Variants in TRAPPC9 observed in about 807,000 individuals in gnomAD.
The protein encoded by TRAPPC9 is IKK2 binding protein.
In TRAPPC9, 83 loss-of-function variants were observed where a neutral mutation model predicts 124.0. That is an observed-to-expected ratio of 0.67 (90% CI 0.56 to 0.80). TRAPPC9 has a LOEUF of 0.80. Ranked by LOEUF, TRAPPC9 falls within the 30% of genes least tolerant of loss-of-function variation. TRAPPC9 has a pLI of 0.00. For missense variants in TRAPPC9, 1,302 were observed against 1,508.3 expected (o/e 0.86, Z 2.27); for synonymous variants, 638 against 617.5 (o/e 1.03, Z -0.49).
Position 140,430,715 on chromosome 8 carries a change from T to C in TRAPPC9, c.860-4074A>G, listed in dbSNP as rs146010364. Among the ~76,000 whole-genome samples, 1,435 of 152,262 alleles carry C rather than the reference T, an allele frequency of 9.4e-3. 11 individuals carry two copies. Among genetic ancestry groups the C allele is most frequent in the Non-Finnish European group, 0.014 (970 of 68,000 alleles). Reference sequence around the variant, plus strand: ...GTGCAGTGGCAGAATCTCAGCTCACTGCAACCTCTGCCTCCTGGGCTCAAG... The same window carrying C: ...GTGCAGTGGCAGAATCTCAGCTCACCGCAACCTCTGCCTCCTGGGCTCAAG... On this transcript the variant is annotated intron_variant, in intron 4 of 22. Coordinates refer to ENST00000438773, the MANE Select transcript of TRAPPC9 (RefSeq NM_001160372.4).
intron 19 of TRAPPC9, among the ~76,000 whole-genome samples, chr8:139,914,330 C>A (rs1005596198): frequency 2.0e-5 from 3 of 152,220 alleles, no homozygotes; most frequent in African/African-American, 7.2e-5. Flanking sequence ...CACCCAGGTG[C>A]TGGAAGGTAA....
At chr8:139,736,141 G>A (rs544171892) in intron 21 of TRAPPC9, among the ~76,000 whole-genome samples, 6 of 152,220 alleles carry the variant, frequency 3.9e-5, no homozygotes, top group South Asian at 2.1e-4. Context: ...CAGCCAGAGC[G>A]AGCACTCCTG....
At chr8:140,256,202 G>A (rs1426546348) in intron 15 of TRAPPC9, among the ~76,000 whole-genome samples, 2 of 152,170 alleles carry the variant, frequency 1.3e-5, no homozygotes, top group African/African-American at 4.8e-5. Context: ...TTTGGCCCTT[G>A]GCTGCTCAGG....
At chr8:140,156,456 A>G (rs574197031) in intron 17 of TRAPPC9, among the ~76,000 whole-genome samples, 9 of 152,394 alleles carry the variant, frequency 5.9e-5, no homozygotes, top group Admixed American at 5.2e-4. Context: ...GGTTATTATC[A>G]CTGCAAGTAG....
intron 21 of TRAPPC9, among the ~76,000 whole-genome samples, chr8:139,795,339 T>C (rs1306278500): frequency 6.6e-6 from 1 of 152,158 alleles, no homozygotes; most frequent in Non-Finnish European, 1.5e-5. Context: ...TTGCAGTTAA[T>C]TCCCCATGGG....
chr8:139,973,831 C>A (rs556358191), intron 19 of TRAPPC9, among the ~76,000 whole-genome samples: 1 of 152,226 alleles, frequency 6.6e-6, no homozygotes, highest in East Asian at 1.9e-4. Flanking sequence ...CTCCACAGAC[C>A]CACTCCTGGA....
At chr8:140,075,335 T>C (rs1843442012) in intron 17 of TRAPPC9, among the ~76,000 whole-genome samples, 2 of 152,346 alleles carry the variant, frequency 1.3e-5, no homozygotes, top group Admixed American at 6.5e-5. Flanking sequence ...TCTTGACTAG[T>C]TGGGGCCAAC....
chr8:140,177,821 T>C (rs892428204), intron 17 of TRAPPC9, among the ~76,000 whole-genome samples: 1 of 152,134 alleles, frequency 6.6e-6, no homozygotes, highest in Admixed American at 6.5e-5. Context: ...CCTATAATTG[T>C]CTTGAGAAAA....
intron 21 of TRAPPC9, among the ~76,000 whole-genome samples, chr8:139,773,091 G>A (rs532536937): frequency 6.6e-6 from 1 of 152,362 alleles, no homozygotes; most frequent in Admixed American, 6.5e-5. Context: ...CGCAGTGGCT[G>A]TGGGTCCCGT....
intron 17 of TRAPPC9, among the ~76,000 whole-genome samples, chr8:140,177,743 GTCTT>G (rs1032033573): frequency 2.0e-5 from 3 of 152,008 alleles, no homozygotes; most frequent in Admixed American, 6.5e-5. Context: ...ATCTTTCAGT[GTCTT>G]TCTATTTATT....
intron 17 of TRAPPC9, among the ~76,000 whole-genome samples, chr8:140,145,695 T>TG (rs370296757): frequency 6.6e-6 from 1 of 152,068 alleles, no homozygotes; most frequent in African/African-American, 2.4e-5. Context: ...TTAGTTTTTT[T>TG]GGGGGGTTTT....
At chr8:140,327,808 G>A (rs993799825) in intron 9 of TRAPPC9, among the ~76,000 whole-genome samples, 3 of 152,160 alleles carry the variant, frequency 2.0e-5, no homozygotes, top group Non-Finnish European at 4.4e-5. Flanking sequence ...TGTTTGGAGT[G>A]ACGAAAAAGT....
intron 17 of TRAPPC9, among the ~76,000 whole-genome samples, chr8:140,180,666 C>T (rs1372791099): frequency 7.2e-6 from 1 of 139,016 alleles, no homozygotes; most frequent in African/African-American, 2.6e-5. Context: ...TATAGAATTC[C>T]AAGTTAACAG....
At chr8:140,109,155 G>A (rs2060718802) in intron 17 of TRAPPC9, among the ~76,000 whole-genome samples, 1 of 152,236 alleles carries the variant, frequency 6.6e-6, no homozygotes. Context: ...GGAAGGCGAG[G>A]TCGACACAAG....
At chr8:140,219,326 C>A (rs1489734119) in intron 17 of TRAPPC9, among the ~76,000 whole-genome samples, 1 of 152,240 alleles carries the variant, frequency 6.6e-6, no homozygotes, top group African/African-American at 2.4e-5. Flanking sequence ...CTCCAAGACC[C>A]TAGTTCCCCT....
Position 140,133,540 on chromosome 8 carries a change from C to T in TRAPPC9, c.2556+87919G>A, listed in dbSNP as rs1027327304. Among the ~76,000 whole-genome samples the T allele has an allele frequency of 3.9e-5, 6 of 152,270 alleles. No homozygotes were observed. In the East Asian group the frequency reaches 5.8e-4, roughly 15 times the overall value. Reference sequence around the variant, plus strand: ...TGCTTTCCCCACTGCTATTCAATCCCGAATCAGAGTCTTCCTCAGAGCAAT... The same window carrying T: ...TGCTTTCCCCACTGCTATTCAATCCTGAATCAGAGTCTTCCTCAGAGCAAT... On this transcript the variant is annotated intron_variant, in intron 17 of 22. Transcript: ENST00000438773.
At chr8:140,450,296 C>G (rs11166981) in intron 2 of TRAPPC9, among the ~76,000 whole-genome samples, 84,752 of 151,980 alleles carry the variant, frequency 0.56, 23,801 homozygotes, top group Non-Finnish European at 0.57. Context: ...GGGAGGTGCA[C>G]GTTGCACTGA....
At chr8:139,731,812 T>G (rs573054166) in intron 22 of TRAPPC9, among the ~76,000 whole-genome samples, 167 bp downstream of exon 22, 1 of 152,164 alleles carries the variant, frequency 6.6e-6, no homozygotes, top group Non-Finnish European at 1.5e-5. Context: ...TCTAAGTTCC[T>G]GCAGTGAATG....
chr8:140,371,127 C>T lies in TRAPPC9; in HGVS notation c.1188G>A (p.Glu396=). The change falls in exon 8 of 23, where the codon GAG becomes GAA. Residue 396 remains glutamate (E), a synonymous_variant. Transcript: ENST00000438773. ...QRYSILSELY[E]LIGFHRKSAF... Reference sequence around the variant, plus strand: ...CAGACTTGCGATGGAAGCCGATCAGCTCATAGAGCTCGGAGAGGATGCTGT... The same window carrying T: ...CAGACTTGCGATGGAAGCCGATCAGTTCATAGAGCTCGGAGAGGATGCTGT... 6.2e-7 allele frequency: 1 copy of T among 1,614,152 alleles called. No individual in the cohort carries two copies. Among genetic ancestry groups the T allele is most frequent in the Non-Finnish European group, 8.5e-7 (1 of 1,180,020 alleles).
Sources: allele counts gnomAD v4.1 joint callset (sites outside exome capture counted in the v4.1 genomes callset), GRCh38; gene constraint gnomAD v4.1.1; transcripts MANE v1.5; gene names NCBI Gene and HGNC (gene_info 2026-07-23, HGNC 2026-07-21).